MYOF: variants seen among roughly 807,000 people sequenced by gnomAD.
MYOF encodes fer-1-like 3, myoferlin.
In MYOF, 244 loss-of-function variants were observed where a neutral mutation model predicts 284.2. The ratio of observed to expected loss-of-function variants is 0.86; its 90% CI spans 0.77 to 0.95. The LOEUF (loss-of-function observed/expected upper bound fraction) is 0.95, where lower values mean the gene tolerates loss of function less well. MYOF is among the 40% of genes least tolerant of loss of function. The pLI is 0.00. For missense variants in MYOF, 2,496 were observed against 2,560.6 expected, an observed-to-expected ratio of 0.97 and a Z score of 0.54; for synonymous variants, 904 against 919.7, an observed-to-expected ratio of 0.98 and a Z score of 0.31.
At chr10:93,372,558 C>T (rs1273920992) in intron 24 of MYOF, among the ~76,000 whole-genome samples, 1 of 152,182 alleles carries the variant, frequency 6.6e-6, no homozygotes, top group Non-Finnish European at 1.5e-5. Flanking sequence ...GTTAGAGCAA[C>T]AGATTCCATG....
chr10:93,450,858 C>T (rs1474798722), intron 3 of MYOF, among the ~76,000 whole-genome samples: 2 of 151,988 alleles, frequency 1.3e-5, no homozygotes, highest in African/African-American at 4.8e-5. Flanking sequence ...TTTTTTTGGC[C>T]CCTAACCATT....
At chr10:93,406,799 GA>G (rs1020030285) in intron 7 of MYOF, among the ~76,000 whole-genome samples, 5 of 151,884 alleles carry the variant, frequency 3.3e-5, no homozygotes, top group African/African-American at 4.8e-5. Flanking sequence ...GGAAGAAATA[GA>G]AACGCGGCAT....
At chr10:93,396,083 T>C in intron 16 of MYOF, 59 bp downstream of exon 16, 1 of 1,384,512 alleles carries the variant, frequency 7.2e-7, no homozygotes. Context: ...TTCATTTTTT[T>C]CTCAGACTGG....
rs1477970062 is a variant in MYOF at position 93,328,885 on chromosome 10, T to G, written c.5009A>C (p.Gln1670Pro). The change falls in exon 45 of 54, where the codon CAA becomes CCA. Residue 1670 changes from glutamine (Q) to proline (P), a missense_variant. Physicochemically the swap from Gln to Pro is moderately conservative, Grantham distance 76 (BLOSUM62 -1). Coordinates refer to ENST00000359263, the MANE Select transcript of MYOF (RefSeq NM_013451.4). Reference sequence around the variant, plus strand: ...TTGAAGCAGCTGTGTTGGTCTCAGTTGATCTCGCCAGGTATTGACTCCAGA... The same window carrying G: ...TTGAAGCAGCTGTGTTGGTCTCAGTGGATCTCGCCAGGTATTGACTCCAGA... ...CVSGVNTWRDQLRPTQLLQNV... is the reference protein window; with the variant it reads ...CVSGVNTWRDPLRPTQLLQNV... 9 of 1,611,980 alleles carry G rather than the reference T, an allele frequency of 5.6e-6. No homozygotes were observed. Among genetic ancestry groups the G allele is most frequent in the Non-Finnish European group, 7.6e-6 (9 of 1,178,500 alleles).
intron 13 of MYOF, 84 bp downstream of exon 13, chr10:93,399,308 G>A (rs1188403978): frequency 1.4e-5 from 15 of 1,057,328 alleles, no homozygotes; most frequent in Non-Finnish European, 1.8e-5. Flanking sequence ...TTAACAAAGA[G>A]TAAGCAGGAA....
intron 42 of MYOF, 36 bp downstream of exon 42, chr10:93,333,722 T>G: frequency 6.2e-7 from 1 of 1,604,344 alleles, no homozygotes; most frequent in Non-Finnish European, 8.5e-7. Context: ...TGTAATTATC[T>G]TGCTACAGGA....
chr10:93,466,819 T>A (rs950267557), intron 1 of MYOF, among the ~76,000 whole-genome samples: 1 of 151,978 alleles, frequency 6.6e-6, no homozygotes, highest in Non-Finnish European at 1.5e-5. Flanking sequence ...ACAAAAAATT[T>A]AAAAATTAGC....
chr10:93,469,390 G>C (rs1438642089), intron 1 of MYOF, among the ~76,000 whole-genome samples: 1 of 144,040 alleles, frequency 6.9e-6, no homozygotes. Flanking sequence ...GACAGAGCTA[G>C]ACTGCATCTC....
At chr10:93,371,065 G>C (rs1025742088) in intron 24 of MYOF, among the ~76,000 whole-genome samples, 2 of 151,526 alleles carry the variant, frequency 1.3e-5, no homozygotes, top group Non-Finnish European at 2.9e-5. Context: ...TTCAAAGTGT[G>C]TTTTTTTCAA....
chr10:93,327,302 C>T (rs1048256007), intron 45 of MYOF, among the ~76,000 whole-genome samples: 3 of 152,102 alleles, frequency 2.0e-5, no homozygotes, highest in African/African-American at 7.3e-5. Context: ...CCTCAGCCAA[C>T]ATCTGACTGC....
At chr10:93,378,570 A>G (rs1845949618) in intron 21 of MYOF, among the ~76,000 whole-genome samples, 1 of 151,432 alleles carries the variant, frequency 6.6e-6, no homozygotes, top group Non-Finnish European at 1.5e-5. Flanking sequence ...TAGAGATTAG[A>G]TCTTTAAAAA....
At chr10:93,400,088 A>T (rs1158177158) in intron 12 of MYOF, among the ~76,000 whole-genome samples, 1 of 152,204 alleles carries the variant, frequency 6.6e-6, no homozygotes, top group African/African-American at 2.4e-5. Flanking sequence ...AAAATACAAC[A>T]AAGTTCATTC....
chr10:93,385,072 G>A (rs1487500018), intron 19 of MYOF, among the ~76,000 whole-genome samples: 2 of 152,228 alleles, frequency 1.3e-5, no homozygotes, highest in Non-Finnish European at 2.9e-5. Context: ...GAGTAGGAGA[G>A]AGAATGCAAG....
intron 4 of MYOF, among the ~76,000 whole-genome samples, chr10:93,427,649 AT>A (rs1338003234): frequency 6.6e-6 from 1 of 152,082 alleles, no homozygotes; most frequent in Admixed American, 6.6e-5. Flanking sequence ...TATGCAAACC[AT>A]AAAGTTAAAT....
At position 93,358,955 on chromosome 10, in the gene MYOF, AAAG is replaced by A; in HGVS notation, c.3120+875_3120+877del. Among the ~76,000 whole-genome samples the A allele has an allele frequency of 2.0e-5, 3 of 152,290 alleles. No homozygotes were observed. The Middle Eastern group carries it at 0.01, about 518-fold the overall frequency. On this transcript the variant is annotated intron_variant, in intron 29 of 53. Transcript: ENST00000359263. ...ATCTCGGAACTTAAATTAAAAAAAA[AAAG>A]ACTCATTCATTCATTAGCTCATTTA...
chr10:93,375,768 C>T (rs187948089), intron 22 of MYOF, among the ~76,000 whole-genome samples: 7 of 152,250 alleles, frequency 4.6e-5, no homozygotes, highest in Non-Finnish European at 8.8e-5. Context: ...CCCATGAACT[C>T]CAGAAAGATT....
At chr10:93,352,999 T>C (rs1387697777) in intron 32 of MYOF, among the ~76,000 whole-genome samples, 1 of 152,172 alleles carries the variant, frequency 6.6e-6, no homozygotes, top group East Asian at 1.9e-4. Context: ...CATGAGAGTG[T>C]CAGTCAAATG....
intron 1 of MYOF, among the ~76,000 whole-genome samples, chr10:93,470,729 C>T (rs1475750104): frequency 6.6e-6 from 1 of 152,124 alleles, no homozygotes; most frequent in Non-Finnish European, 1.5e-5. Flanking sequence ...GAACGCTGGC[C>T]CCATTTACAG....
rs551131242 is a variant in MYOF at position 93,327,129 on chromosome 10, G to T, written c.5132-1164C>A. ...TTTTCTGGGGACCCTCACTCTGGGG[G>T]ACACCATCCACATGTAAGGAGCCTG... On this transcript the variant is annotated intron_variant, in intron 45 of 53. Coordinates refer to ENST00000359263, the MANE Select transcript of MYOF (RefSeq NM_013451.4). 1.6e-4 allele frequency among the ~76,000 whole-genome samples: 25 copies of T among 152,122 alleles called. No individual in the cohort carries two copies. The East Asian group carries it at 4.8e-3, about 29-fold the overall frequency.
Sources: allele counts gnomAD v4.1 joint callset (sites outside exome capture counted in the v4.1 genomes callset), GRCh38; gene constraint gnomAD v4.1.1; transcripts MANE v1.5; gene names NCBI Gene and HGNC (gene_info 2026-07-23, HGNC 2026-07-21).